The following CDH12 variants were observed in gnomAD, a reference collection of about 807,000 sequenced individuals.
The protein encoded by CDH12 is cadherin-12.
A neutral mutation model predicts 74.1 loss-of-function variants in CDH12; 41 were observed. That is an observed-to-expected ratio of 0.55 (90% CI 0.43 to 0.72). The LOEUF is 0.72. Among genes scored for constraint, CDH12 ranks in the 30% least tolerant of loss-of-function variants. The probability of loss-of-function intolerance (pLI) is 0.00; values close to 1 mark genes in which losing one functional copy is unlikely to be tolerated. For missense variants in CDH12, 945 were observed against 977.2 expected (o/e 0.97, Z 0.44); for synonymous variants, 399 against 355.0 (o/e 1.12, Z -1.39).
intron 2 of CDH12, among the ~76,000 whole-genome samples, chr5:22,435,682 A>C (rs1174206852): frequency 2.0e-5 from 3 of 151,952 alleles, no homozygotes; most frequent in African/African-American, 7.3e-5. Flanking sequence ...CGAGATTCGA[A>C]ATTACGGTTT....
intron 3 of CDH12, among the ~76,000 whole-genome samples, chr5:22,281,456 G>C (rs557238399): frequency 1.3e-5 from 2 of 152,108 alleles, no homozygotes; most frequent in African/African-American, 4.8e-5. Flanking sequence ...CAGATGACAT[G>C]GTTTTATGCT....
chr5:22,344,356 A>C (rs1227518597), intron 3 of CDH12, among the ~76,000 whole-genome samples: 1 of 152,244 alleles, frequency 6.6e-6, no homozygotes, highest in East Asian at 1.9e-4. Context: ...TTCTAAGCTA[A>C]AGTTTAAAAT....
At chr5:22,082,392 A>G (rs897168082) in intron 4 of CDH12, among the ~76,000 whole-genome samples, 1 of 152,100 alleles carries the variant, frequency 6.6e-6, no homozygotes, top group Non-Finnish European at 1.5e-5. Context: ...TAAGCACTCG[A>G]TACTGTGACA....
At chr5:22,678,527 G>C (rs1474356744) in intron 1 of CDH12, among the ~76,000 whole-genome samples, 1 of 152,052 alleles carries the variant, frequency 6.6e-6, no homozygotes, top group Non-Finnish European at 1.5e-5. Flanking sequence ...TTCTCTGAAA[G>C]CATTCAAAAC....
At chr5:22,477,611 T>C (rs970203127) in intron 2 of CDH12, among the ~76,000 whole-genome samples, 1 of 152,200 alleles carries the variant, frequency 6.6e-6, no homozygotes, top group East Asian at 1.9e-4. Flanking sequence ...AGTAATGGGA[T>C]TGCTGGGTCA....
intron 3 of CDH12, among the ~76,000 whole-genome samples, chr5:22,255,924 G>A (rs1158196746): frequency 6.6e-6 from 1 of 151,910 alleles, no homozygotes; most frequent in East Asian, 1.9e-4. Context: ...GTTGTTTCTT[G>A]CATTTCATTA....
At chr5:22,716,335 C>T (rs1266501454) in intron 1 of CDH12, among the ~76,000 whole-genome samples, 2 of 152,134 alleles carry the variant, frequency 1.3e-5, no homozygotes, top group Non-Finnish European at 2.9e-5. Context: ...CACTGAGGCA[C>T]ATACGATGGT....
At chr5:22,782,863 C>T (rs1005849716) in intron 1 of CDH12, among the ~76,000 whole-genome samples, 1 of 152,134 alleles carries the variant, frequency 6.6e-6, no homozygotes, top group Non-Finnish European at 1.5e-5. Context: ...ATGAAACAAA[C>T]AAATCAATGA....
intron 4 of CDH12, among the ~76,000 whole-genome samples, chr5:22,128,090 T>C (rs988692322): frequency 1.4e-4 from 22 of 152,126 alleles, no homozygotes; most frequent in Admixed American, 2.0e-4. Context: ...CAAAGTTCAT[T>C]ATTGTTCTTC....
intron 5 of CDH12, among the ~76,000 whole-genome samples, chr5:21,991,569 T>C (rs77811587): frequency 2.8e-3 from 2 of 708 alleles, no homozygotes; most frequent in African/African-American, 0.011. Flanking sequence ...TTTATATATA[T>C]GTATATAAAT....
intron 4 of CDH12, among the ~76,000 whole-genome samples, chr5:22,162,878 C>G (rs767152296): frequency 7.1e-6 from 1 of 140,582 alleles, no homozygotes; most frequent in Non-Finnish European, 1.5e-5. Flanking sequence ...TTGGTTCTTT[C>G]TCTTCCCTCT....
At chr5:22,047,271 A>G (rs797005969) in intron 5 of CDH12, among the ~76,000 whole-genome samples, 19 of 152,126 alleles carry the variant, frequency 1.2e-4, no homozygotes, top group African/African-American at 4.1e-4. Context: ...TATTCATTCT[A>G]TTCTCTCTTA....
intron 5 of CDH12, among the ~76,000 whole-genome samples, chr5:22,016,652 C>T (rs1042759550): frequency 6.6e-6 from 1 of 152,080 alleles, no homozygotes; most frequent in African/African-American, 2.4e-5. Flanking sequence ...TCCCAAAGTG[C>T]TGGGATTACA....
intron 6 of CDH12, among the ~76,000 whole-genome samples, chr5:21,872,569 A>G (rs1751681766): frequency 6.6e-6 from 1 of 152,120 alleles, no homozygotes; most frequent in African/African-American, 2.4e-5. Flanking sequence ...GGATATACTC[A>G]CTCAGGGGCT....
intron 1 of CDH12, among the ~76,000 whole-genome samples, chr5:22,619,504 G>A (rs904054302): frequency 2.0e-5 from 3 of 151,848 alleles, no homozygotes; most frequent in African/African-American, 7.3e-5. Context: ...TTTGTAACTC[G>A]TATTACCTGA....
chr5:22,205,845 C>G (rs1009324830), intron 4 of CDH12, among the ~76,000 whole-genome samples: 1 of 151,952 alleles, frequency 6.6e-6, no homozygotes, highest in Non-Finnish European at 1.5e-5. Context: ...CAATGAACAC[C>G]CTGTCCCTCT....
intron 1 of CDH12, among the ~76,000 whole-genome samples, chr5:22,819,986 T>A (rs1287455422): frequency 1.4e-5 from 2 of 145,552 alleles, no homozygotes; most frequent in Non-Finnish European, 3.0e-5. Flanking sequence ...TACATATATA[T>A]ACATATACAT....
At chr5:22,714,092 A>G (rs1743439772) in intron 1 of CDH12, among the ~76,000 whole-genome samples, 1 of 152,114 alleles carries the variant, frequency 6.6e-6, no homozygotes, top group Non-Finnish European at 1.5e-5. Context: ...TTATATTACA[A>G]TTGTCTGTTT....
intron 6 of CDH12, among the ~76,000 whole-genome samples, chr5:21,902,730 A>C (rs1753449708): frequency 6.6e-6 from 1 of 152,172 alleles, no homozygotes; most frequent in Admixed American, 6.6e-5. Context: ...TATAAATAAG[A>C]AACTAAACTT....
Sources: allele counts gnomAD v4.1 joint callset (sites outside exome capture counted in the v4.1 genomes callset), GRCh38; gene constraint gnomAD v4.1.1; transcripts MANE v1.5; gene names NCBI Gene and HGNC (gene_info 2026-07-23, HGNC 2026-07-21).